SLC44A5: variants seen among roughly 807,000 people sequenced by gnomAD.
SLC44A5 encodes solute carrier family 44 member 5.
Under a neutral mutation model 101.8 loss-of-function variants are expected in SLC44A5, and 57 were observed. The observed-to-expected ratio is 0.56, with a 90% CI of 0.45 to 0.70. The LOEUF is 0.70. SLC44A5 is among the 30% of genes least tolerant of loss of function. The pLI, the probability that SLC44A5 is intolerant of heterozygous loss-of-function variation, is 0.00. For synonymous variants in SLC44A5, 281 were observed against 290.9 expected (o/e 0.97, Z 0.35); for missense variants, 737 against 853.1 (o/e 0.86, Z 1.70).
At chr1:75,235,395 T>C (rs1647984650) in intron 11 of SLC44A5, among the ~76,000 whole-genome samples, 1 of 151,974 alleles carries the variant, frequency 6.6e-6, no homozygotes. Flanking sequence ...TTGTGTGTTT[T>C]GGGGGTGAGG....
chr1:75,714,550 T>C, the SLC44A5 span, among the ~76,000 whole-genome samples: 1 of 152,200 alleles, frequency 6.6e-6, no homozygotes, highest in Non-Finnish European at 1.5e-5. Flanking sequence ...AGTCAAGATG[T>C]TGGAAGTCAG....
intron 11 of SLC44A5, 124 bp from the exon 12 acceptor site, chr1:75,234,222 A>G: frequency 1.5e-6 from 1 of 683,524 alleles, no homozygotes; most frequent in South Asian, 1.7e-5. Flanking sequence ...ACCTGGCTAT[A>G]GAAACATTAA....
intron 2 of SLC44A5, among the ~76,000 whole-genome samples, chr1:75,483,939 T>C (rs1668013701): frequency 6.6e-6 from 1 of 152,066 alleles, no homozygotes; most frequent in African/African-American, 2.4e-5. Context: ...TTCAAAACCA[T>C]CAGCTCTCAT....
intron 2 of SLC44A5, among the ~76,000 whole-genome samples, chr1:75,415,266 C>G (rs1253084517): frequency 6.6e-6 from 1 of 152,116 alleles, no homozygotes; most frequent in East Asian, 1.9e-4. Context: ...GGGGACAGGT[C>G]TTTCCTATGC....
Position 75,380,911 on chromosome 1 carries a change from C to T in SLC44A5, c.52+15672G>A, listed in dbSNP as rs1170243110. Among the ~76,000 whole-genome samples, 2 of 82,398 alleles carry T rather than the reference C, an allele frequency of 2.4e-5. 1 individual carries two copies. Among genetic ancestry groups the T allele is most frequent in the South Asian group, 7.2e-4 (2 of 2,774 alleles). 54.1% of individuals were successfully genotyped at this position (82,398 alleles called of 152,430 possible). Reference sequence around the variant, plus strand: ...GATGATAAATATTTCCATTGGGTATCGTTATCCTCCTATTTGCCTAGGGAG... The same window carrying T: ...GATGATAAATATTTCCATTGGGTATTGTTATCCTCCTATTTGCCTAGGGAG... On this transcript the variant is annotated intron_variant, in intron 3 of 23. Transcript: ENST00000370859.
chr1:75,385,604 T>A (rs1349159444), intron 3 of SLC44A5, among the ~76,000 whole-genome samples: 1 of 152,148 alleles, frequency 6.6e-6, no homozygotes, highest in Non-Finnish European at 1.5e-5. Context: ...ACCAGATGGA[T>A]TCACAGCCAA....
At chr1:75,239,473 G>A (rs1648414784) in intron 9 of SLC44A5, among the ~76,000 whole-genome samples, 1 of 151,888 alleles carries the variant, frequency 6.6e-6, no homozygotes. Flanking sequence ...AGATATTAAA[G>A]CAGTTGAGCT....
chr1:75,672,550 G>A, the SLC44A5 span, among the ~76,000 whole-genome samples: 1 of 152,172 alleles, frequency 6.6e-6, no homozygotes. Flanking sequence ...TCCTGGGCAA[G>A]TCCTGGTCCT....
chr1:75,716,073 G>A, the SLC44A5 span, among the ~76,000 whole-genome samples: 10 of 152,110 alleles, frequency 6.6e-5, no homozygotes, highest in Non-Finnish European at 1.3e-4. Flanking sequence ...TTCATCATCA[G>A]TAATCAATAG....
At chr1:75,574,648 C>T (rs1179790249) in intron 1 of SLC44A5, among the ~76,000 whole-genome samples, 1 of 152,110 alleles carries the variant, frequency 6.6e-6, no homozygotes, top group Non-Finnish European at 1.5e-5. Flanking sequence ...CAAGCCCTGC[C>T]CTCTACAGTA....
intron 1 of SLC44A5, among the ~76,000 whole-genome samples, chr1:75,565,807 T>C (rs1369639332): frequency 6.6e-6 from 1 of 152,200 alleles, no homozygotes; most frequent in East Asian, 1.9e-4. Flanking sequence ...GCAAAGTGTC[T>C]GACACTGAAA....
At chr1:75,354,532 A>G (rs926188800) in intron 3 of SLC44A5, among the ~76,000 whole-genome samples, 10 of 152,134 alleles carry the variant, frequency 6.6e-5, no homozygotes, top group Admixed American at 3.3e-4. Context: ...AGCACCAATA[A>G]AAAGCGTGGG....
intron 2 of SLC44A5, among the ~76,000 whole-genome samples, chr1:75,534,559 T>C (rs528050565): frequency 7.2e-5 from 11 of 152,262 alleles, no homozygotes; most frequent in Non-Finnish European, 1.5e-4. Flanking sequence ...GGTTAGCCTG[T>C]TATTTTTCAG....
At chr1:75,677,995 G>A in the SLC44A5 span, 1 of 186,610 alleles carries the variant, frequency 5.4e-6, no homozygotes, top group Admixed American at 5.8e-5. Context: ...CAAAGAAAGG[G>A]GTGATGGACG....
chr1:75,256,131 T>C (rs1650002317), intron 6 of SLC44A5, among the ~76,000 whole-genome samples: 1 of 152,146 alleles, frequency 6.6e-6, no homozygotes, highest in African/African-American at 2.4e-5. Context: ...ATTAAAAAGT[T>C]AACTGGGCAT....
intron 6 of SLC44A5, among the ~76,000 whole-genome samples, chr1:75,274,462 C>G (rs1651751372): frequency 6.6e-6 from 1 of 152,000 alleles, no homozygotes; most frequent in Non-Finnish European, 1.5e-5. Flanking sequence ...TTTCAGCTAC[C>G]CAGGGACATT....
chr1:75,403,166 G>A (rs558234840), intron 2 of SLC44A5, among the ~76,000 whole-genome samples: 1 of 152,174 alleles, frequency 6.6e-6, no homozygotes, highest in African/African-American at 2.4e-5. Context: ...TCTGGGCAGG[G>A]CATCTCTGAA....
At chr1:75,697,803 C>T in the SLC44A5 span, among the ~76,000 whole-genome samples, 8 of 152,106 alleles carry the variant, frequency 5.3e-5, no homozygotes, top group African/African-American at 1.4e-4. Flanking sequence ...ATGCACCGTG[C>T]GTGAGCTGAA....
chr1:75,667,623 C>CA, the SLC44A5 span, among the ~76,000 whole-genome samples: 1 of 151,800 alleles, frequency 6.6e-6, no homozygotes, highest in African/African-American at 2.4e-5. Flanking sequence ...AAAACAAAAA[C>CA]AACACAATCT....
Sources: allele counts gnomAD v4.1 joint callset (sites outside exome capture counted in the v4.1 genomes callset), GRCh38; gene constraint gnomAD v4.1.1; transcripts MANE v1.5; gene names NCBI Gene and HGNC (gene_info 2026-07-23, HGNC 2026-07-21).